Variants in DNAH10 observed in about 807,000 individuals in gnomAD.
The protein encoded by DNAH10 is dynein axonemal heavy chain 10.
A neutral mutation model predicts 506.6 loss-of-function variants in DNAH10; 348 were observed. That is an observed-to-expected ratio of 0.69 (90% CI 0.63 to 0.75). The LOEUF (loss-of-function observed/expected upper bound fraction) is 0.75. Among genes scored for constraint, DNAH10 ranks in the 30% least tolerant of loss-of-function variants. The probability of loss-of-function intolerance (pLI) is 0.00; values close to 1 mark genes in which losing one functional copy is unlikely to be tolerated. For missense variants in DNAH10, 5,179 were observed against 5,787.1 expected (o/e 0.89, Z 3.41); for synonymous variants, 2,059 against 2,198.6 (o/e 0.94, Z 1.78).
At chr12:123,894,488 C>T (rs578072033) in intron 53 of DNAH10, among the ~76,000 whole-genome samples, 155 bp from the exon 54 acceptor site, 35 of 152,186 alleles carry the variant, frequency 2.3e-4, no homozygotes, top group African/African-American at 8.2e-4. Context: ...GAACTCCTGA[C>T]CTCAAATGAT....
Position 123,762,683 on chromosome 12 carries a change from G to C in DNAH10, c.214+133G>C. On this transcript the variant is annotated intron_variant, in intron 1 of 78. Coordinates refer to ENST00000673944, the MANE Select transcript of DNAH10 (RefSeq NM_001372106.1). The surrounding 1 kb of genome is among the most constrained non-coding windows in gnomAD (Gnocchi z 5.0). ...TCAGGTGCTGTCCACAAACGCTGCC[G>C]CCCGCCACGTGCAGGCCCCGGGCGA... The C allele has an allele frequency of 1.1e-6, 1 of 910,042 alleles. No individual in the cohort carries two copies. 56.4% of individuals were successfully genotyped at this position (910,042 alleles called of 1,614,324 possible). A position where few individuals can be genotyped will look rare whatever the true frequency, so the allele number is the denominator to read the frequency against.
Position 123,909,456 on chromosome 12 carries a change from C to A in DNAH10, c.9997+14C>A. On this transcript the variant is annotated intron_variant, in intron 58 of 78. Coordinates refer to ENST00000673944, the MANE Select transcript of DNAH10 (RefSeq NM_001372106.1). The surrounding 1 kb of genome is among the most constrained non-coding windows in gnomAD (Gnocchi z 5.4). ...AAAACATCAAAGGTGAGTGTAGCCACGTGTGGGAATCGCCAGGGTGGATCT... is the reference window on the plus strand; with the variant it reads ...AAAACATCAAAGGTGAGTGTAGCCAAGTGTGGGAATCGCCAGGGTGGATCT... 2 of 1,551,384 alleles carry A rather than the reference C, an allele frequency of 1.3e-6. No homozygotes were observed. Among genetic ancestry groups the A allele is most frequent in the Non-Finnish European group, 1.7e-6 (2 of 1,145,518 alleles).
intron 48 of DNAH10, among the ~76,000 whole-genome samples, chr12:123,878,177 G>A (rs779420626): frequency 1.1e-4 from 17 of 152,152 alleles, no homozygotes; most frequent in Non-Finnish European, 1.6e-4. Flanking sequence ...TTGACTTCTC[G>A]TTTTCAGTTC....
chr12:123,897,832 C>T lies in DNAH10; in HGVS notation c.9343C>T (p.His3115Tyr). 1.9e-6 allele frequency: 3 copies of T among 1,612,098 alleles called. No individual in the cohort carries two copies. Among genetic ancestry groups the T allele is most frequent in the South Asian group, 1.1e-5 (1 of 90,316 alleles). The change falls in exon 55 of 79, where the codon CAC becomes TAC. Residue 3115 changes from histidine (H) to tyrosine (Y), a missense_variant. This residue lies in a region of DNAH10 where 4,844 missense variants were observed against 5,430.5 expected (regional missense o/e 0.89). Coordinates refer to ENST00000673944, the MANE Select transcript of DNAH10 (RefSeq NM_001372106.1). ...TGTGGTGAAGCATGTTGTCTTGGTT[C>T]ACCAATCCGTGGACCACTACAGCCA... The part of the protein sequence containing the change: ...ENVVKHVVLV[H>Y]QSVDHYSQQF...
chr12:123,833,288 T>C lies in DNAH10; in HGVS notation c.4720T>C (p.Phe1574Leu). 1.2e-6 allele frequency: 2 copies of C among 1,613,916 alleles called. No individual in the cohort carries two copies. The highest frequency in any genetic ancestry group is 1.7e-6 in the Non-Finnish European group (2 of 1,179,872). ...SISGSRFVGP[F>L]LQTVHKWEKT... is the part of the protein sequence containing the mutation. Reference sequence around the variant, plus strand: ...CTCAGGAAGCAGATTTGTGGGGCCTTTTCTGCAAACTGTTCACAAATGGGA... The same window carrying C: ...CTCAGGAAGCAGATTTGTGGGGCCTCTTCTGCAAACTGTTCACAAATGGGA... The change falls in exon 27 of 79, where the codon TTT becomes CTT. Residue 1574 changes from phenylalanine (F) to leucine (L), a missense_variant. This residue lies in a region of DNAH10 where 4,844 missense variants were observed against 5,430.5 expected (regional missense o/e 0.89). Coordinates refer to ENST00000673944, the MANE Select transcript of DNAH10 (RefSeq NM_001372106.1).
At chr12:123,836,684 A>G (rs146240845) in intron 28 of DNAH10, among the ~76,000 whole-genome samples, 15 of 152,298 alleles carry the variant, frequency 9.8e-5, no homozygotes, top group Non-Finnish European at 2.1e-4. Context: ...ACTGTTTCAT[A>G]TAATTGTTGC....
intron 5 of DNAH10, among the ~76,000 whole-genome samples, chr12:123,775,672 G>A (rs1322173363): frequency 6.6e-6 from 1 of 152,062 alleles, no homozygotes; most frequent in African/African-American, 2.4e-5. Flanking sequence ...AGGGAGGGCT[G>A]GAAATGAAGG....
chr12:123,934,230 C>G, intron 77 of DNAH10: 1 of 701,558 alleles, frequency 1.4e-6, no homozygotes, highest in South Asian at 1.5e-5. Context: ...TCCTGCTCCC[C>G]AGCCACTTCG....
At chr12:123,765,371 C>G (rs1956983808) in intron 1 of DNAH10, among the ~76,000 whole-genome samples, 1 of 152,116 alleles carries the variant, frequency 6.6e-6, no homozygotes, top group Admixed American at 6.5e-5. Flanking sequence ...CATAGAATTA[C>G]ATATAAAAAG....
rs564397925 is a variant in DNAH10 at position 123,856,488 on chromosome 12, C to T, written c.6439-568C>T. 6.7e-5 allele frequency among the ~76,000 whole-genome samples: 10 copies of T among 150,192 alleles called. No individual in the cohort carries two copies. The South Asian group carries it at 8.3e-4, about 13-fold the overall frequency. ...AGTAGCTGGGATTACAGGCACCTGCCGCCACACCCAGCTAATTTTTGTGTT... is the reference window on the plus strand; with the variant it reads ...AGTAGCTGGGATTACAGGCACCTGCTGCCACACCCAGCTAATTTTTGTGTT... On this transcript the variant is annotated intron_variant, in intron 36 of 78. Transcript: ENST00000673944.
In DNAH10 at chr12:123,930,527, A is replaced by G; in HGVS notation, c.12738A>G (p.Glu4246=). The G allele has an allele frequency of 6.2e-7, 1 of 1,609,486 alleles. No individual in the cohort carries two copies. Among genetic ancestry groups the G allele is most frequent in the Non-Finnish European group, 8.5e-7 (1 of 1,178,650 alleles). ...CATTCCACTTCTTCCGGAACAAGGA[A>G]GTGGACTACAAAATCCCTGTTGGTG... The part of the protein sequence containing the change: ...FQPFHFFRNK[E]VDYKIPVGDE... The change falls in exon 73 of 79, where the codon GAA becomes GAG. Residue 4246 remains glutamate, a synonymous_variant. Coordinates refer to ENST00000673944, the MANE Select transcript of DNAH10 (RefSeq NM_001372106.1).
chr12:123,809,768 G>A (rs1171616087), intron 19 of DNAH10, among the ~76,000 whole-genome samples: 3 of 152,110 alleles, frequency 2.0e-5, no homozygotes, highest in Non-Finnish European at 2.9e-5. Context: ...ATCTTTGTGT[G>A]CTCTGTGAGG....
At chr12:123,872,834 C>G (rs1224847586) in intron 45 of DNAH10, among the ~76,000 whole-genome samples, 1 of 152,172 alleles carries the variant, frequency 6.6e-6, no homozygotes, top group African/African-American at 2.4e-5. Context: ...AAAACAAAAA[C>G]ACCCTGATCT....
At chr12:123,845,266 G>A (rs1007803560) in intron 30 of DNAH10, among the ~76,000 whole-genome samples, 8 of 152,096 alleles carry the variant, frequency 5.3e-5, no homozygotes, top group Non-Finnish European at 8.8e-5. Context: ...CCAAAGTGTT[G>A]GGTTTACAGG....
chr12:123,798,214 A>G (rs7132837), intron 13 of DNAH10, among the ~76,000 whole-genome samples: 2,248 of 152,370 alleles, frequency 0.015, 46 homozygotes, highest in African/African-American at 0.044. Flanking sequence ...GTTATCAACT[A>G]TATTAGTCCA....
chr12:123,850,782 ACC>A lies in DNAH10; in HGVS notation c.6103-105_6103-104del. 1 of 1,157,976 alleles carries A rather than the reference ACC, an allele frequency of 8.6e-7. No homozygotes were observed. Among genetic ancestry groups the A allele is most frequent in the African/African-American group, 1.6e-5 (1 of 64,504 alleles). 71.7% of individuals were successfully genotyped at this position (1,157,976 alleles called of 1,614,324 possible). ...AGACAAGTGGTGTTGTCAGCCTCAT[ACC>A]ATGAAAATGAATCGCCACGCAGCTC... On this transcript the variant is annotated intron_variant, in intron 34 of 78. Transcript: ENST00000673944. This position sits in a 1 kb window ranked among gnomAD's most constrained non-coding sequence, Gnocchi z 5.5.
rs76383414 is a variant in DNAH10 at position 123,845,106 on chromosome 12, G to A, written c.5361-494G>A. On this transcript the variant is annotated intron_variant, in intron 30 of 78. Coordinates refer to ENST00000673944, the MANE Select transcript of DNAH10 (RefSeq NM_001372106.1). ...GTTGGCTGCGGCCTCCAACTCCTGG[G>A]CTCCAGCGCCCCTGGAGTAGCTGGG... 3.0e-3 allele frequency among the ~76,000 whole-genome samples: 462 copies of A among 152,226 alleles called. 2 individuals are homozygous for A. The highest frequency in any genetic ancestry group is 4.1e-3 in the Non-Finnish European group (281 of 68,000).
Position 123,853,387 on chromosome 12 carries a change from A to G in DNAH10, c.6438+35A>G, listed in dbSNP as rs1315316894. On this transcript the variant is annotated intron_variant, in intron 36 of 78. Coordinates refer to ENST00000673944, the MANE Select transcript of DNAH10 (RefSeq NM_001372106.1). This position sits in a 1 kb window ranked among gnomAD's most constrained non-coding sequence, Gnocchi z 4.7. ...ACGTGCTGGAACATTCTCTGGTTTC[A>G]GCTGCTTCAGGCATTTACTACGTGC... 2 of 1,596,716 alleles carry G rather than the reference A, an allele frequency of 1.3e-6. No individual in the cohort carries two copies. The highest frequency in any genetic ancestry group is 1.7e-6 in the Non-Finnish European group (2 of 1,171,152).
At chr12:123,782,198 G>A (rs1957679278) in intron 6 of DNAH10, among the ~76,000 whole-genome samples, 2 of 151,620 alleles carry the variant, frequency 1.3e-5, no homozygotes, top group African/African-American at 4.9e-5. Context: ...TAATTTTTAA[G>A]ACCTCTGATT....
Sources: allele counts gnomAD v4.1 joint callset (sites outside exome capture counted in the v4.1 genomes callset), GRCh38; gene constraint gnomAD v4.1.1; regional missense constraint gnomAD v4.1.1; non-coding constraint Gnocchi (gnomAD v3.1); transcripts MANE v1.5; gene names NCBI Gene and HGNC (gene_info 2026-07-23, HGNC 2026-07-21).